The following KCNQ5 variants were observed in gnomAD, a reference collection of about 807,000 sequenced individuals.
KCNQ5 encodes the protein potassium voltage-gated channel subfamily KQT member 5.
Under a neutral mutation model 98.2 loss-of-function variants are expected in KCNQ5, and 30 were observed. The observed-to-expected ratio is 0.31, with a 90% CI of 0.23 to 0.41. The LOEUF (loss-of-function observed/expected upper bound fraction) is 0.41. Among genes scored for constraint, KCNQ5 ranks in the 10% least tolerant of loss-of-function variants. The pLI, the probability that KCNQ5 is intolerant of heterozygous loss-of-function variation, is 1.00. For missense variants in KCNQ5, 835 were observed against 1,182.5 expected (o/e 0.71, Z 4.31); for synonymous variants, 458 against 449.4 (o/e 1.02, Z -0.24).
At chr6:72,862,720 T>C (rs536196108) in intron 1 of KCNQ5, among the ~76,000 whole-genome samples, 1 of 152,136 alleles carries the variant, frequency 6.6e-6, no homozygotes, top group South Asian at 2.1e-4. Flanking sequence ...CTCAACCTCC[T>C]GAGCTCAAGC....
intron 2 of KCNQ5, among the ~76,000 whole-genome samples, chr6:73,020,810 G>A (rs1318118796): frequency 2.0e-5 from 3 of 151,986 alleles, no homozygotes; most frequent in Non-Finnish European, 4.4e-5. Context: ...CAAATATACT[G>A]TGTATTTCAC....
At chr6:73,056,380 T>C (rs1334401878) in intron 3 of KCNQ5, among the ~76,000 whole-genome samples, 2 of 147,912 alleles carry the variant, frequency 1.4e-5, no homozygotes, top group African/African-American at 5.2e-5. Context: ...ATTTAGTTTA[T>C]GTGTTACATT....
At chr6:73,086,712 A>G (rs990546072) in intron 5 of KCNQ5, among the ~76,000 whole-genome samples, 1 of 152,228 alleles carries the variant, frequency 6.6e-6, no homozygotes, top group African/African-American at 2.4e-5. Flanking sequence ...TAGTTAAGGA[A>G]ATAAGAATCC....
At chr6:72,803,037 G>T (rs1281299169) in intron 1 of KCNQ5, among the ~76,000 whole-genome samples, 1 of 152,086 alleles carries the variant, frequency 6.6e-6, no homozygotes, top group Non-Finnish European at 1.5e-5. Context: ...TTTTCTAAGA[G>T]ATTGCACCAG....
At chr6:72,752,803 G>C (rs1771753082) in intron 1 of KCNQ5, among the ~76,000 whole-genome samples, 1 of 152,180 alleles carries the variant, frequency 6.6e-6, no homozygotes, top group African/African-American at 2.4e-5. Context: ...TTTTCTACAA[G>C]TATTAATACT....
intron 1 of KCNQ5, among the ~76,000 whole-genome samples, chr6:72,702,063 A>G (rs896321049): frequency 6.6e-6 from 1 of 152,124 alleles, no homozygotes; most frequent in Non-Finnish European, 1.5e-5. Context: ...ATCTTCATAC[A>G]TCATTATTAG....
chr6:72,638,035 G>C (rs927873110), intron 1 of KCNQ5, among the ~76,000 whole-genome samples: 2 of 152,176 alleles, frequency 1.3e-5, no homozygotes, highest in African/African-American at 4.8e-5. Flanking sequence ...TAGTTATGTA[G>C]GTCCTACTTT....
chr6:72,705,902 C>T (rs1464273112), intron 1 of KCNQ5, among the ~76,000 whole-genome samples: 3 of 151,798 alleles, frequency 2.0e-5, no homozygotes, highest in Non-Finnish European at 4.4e-5. Flanking sequence ...TTGGGTATTG[C>T]TTCTTACCAA....
chr6:72,866,243 G>A (rs1031628307), intron 1 of KCNQ5, among the ~76,000 whole-genome samples: 81 of 142,726 alleles, frequency 5.7e-4, no homozygotes, highest in African/African-American at 2.0e-3. Flanking sequence ...AGTTTCCTCC[G>A]CCATCTCCCT....
intron 10 of KCNQ5, among the ~76,000 whole-genome samples, chr6:73,143,989 A>G (rs1325953607): frequency 6.6e-6 from 1 of 152,212 alleles, no homozygotes; most frequent in African/African-American, 2.4e-5. Context: ...CATATATCTC[A>G]AATTATTTCC....
At chr6:72,781,284 AAGAATTTGTCCCTAG>A (rs1773454196) in intron 1 of KCNQ5, among the ~76,000 whole-genome samples, 1 of 152,100 alleles carries the variant, frequency 6.6e-6, no homozygotes, top group East Asian at 1.9e-4. Context: ...AGGGGCTAGG[AAGAATTTGTCCCTAG>A]AGTCTTCATA....
At chr6:72,719,040 A>T (rs376050827) in intron 1 of KCNQ5, among the ~76,000 whole-genome samples, 2 of 152,318 alleles carry the variant, frequency 1.3e-5, no homozygotes, top group Non-Finnish European at 2.9e-5. Context: ...TCTTCATTCA[A>T]TAACTGTTTA....
At chr6:72,820,452 C>T (rs1333577460) in intron 1 of KCNQ5, among the ~76,000 whole-genome samples, 1 of 151,872 alleles carries the variant, frequency 6.6e-6, no homozygotes, top group Non-Finnish European at 1.5e-5. Flanking sequence ...CACCCTTTAC[C>T]TGGGTCCTTC....
intron 1 of KCNQ5, among the ~76,000 whole-genome samples, chr6:72,978,848 C>A (rs1211312214): frequency 1.8e-4 from 27 of 152,142 alleles, no homozygotes; most frequent in Admixed American, 1.8e-3. Flanking sequence ...CCACAACAGG[C>A]CCCAGTGTGT....
Position 73,196,842 on chromosome 6 carries a change from T to A in KCNQ5, c.*1428T>A, listed in dbSNP as rs1765804461. On this transcript the variant is annotated 3_prime_UTR_variant, in exon 14 of 14. Coordinates refer to ENST00000370398, the MANE Select transcript of KCNQ5 (RefSeq NM_019842.4). ...AAGGGAAACAAAATGACAAATGTAT[T>A]TATCAGAAAGCAAGCAATGCTGACT... The A allele has an allele frequency of 6.6e-6, 1 of 152,086 alleles. No individual in the cohort carries two copies. The highest frequency in any genetic ancestry group is 1.5e-5 in the Non-Finnish European group (1 of 68,022). 9.4% of individuals were successfully genotyped at this position (152,086 alleles called of 1,614,324 possible). A position where few individuals can be genotyped will look rare whatever the true frequency, so the allele number is the denominator to read the frequency against.
intron 1 of KCNQ5, among the ~76,000 whole-genome samples, chr6:72,941,550 T>TCTTCCCTCCCTTCCTTCCTTCCCC (rs1766286922): frequency 2.7e-5 from 1 of 37,332 alleles, no homozygotes; most frequent in East Asian, 1.8e-3. Context: ...TTCCTTTCCT[T>TCTTCCCTCCCTTCCTTCCTTCCCC]CTTCCCTCCC....
At chr6:72,962,036 G>A (rs1219300292) in intron 1 of KCNQ5, among the ~76,000 whole-genome samples, 1 of 151,406 alleles carries the variant, frequency 6.6e-6, no homozygotes, top group East Asian at 1.9e-4. Flanking sequence ...AAATTAACTG[G>A]GTATGGTGGT....
chr6:72,703,160 G>A (rs1768908955), intron 1 of KCNQ5, among the ~76,000 whole-genome samples: 1 of 152,288 alleles, frequency 6.6e-6, no homozygotes, highest in East Asian at 1.9e-4. Context: ...CAGAAGTGGT[G>A]GTTATTTGTC....
chr6:72,944,156 A>G (rs1197059804), intron 1 of KCNQ5, among the ~76,000 whole-genome samples: 1 of 152,230 alleles, frequency 6.6e-6, no homozygotes, highest in Non-Finnish European at 1.5e-5. Context: ...GCATGGTTCC[A>G]GTAAATATTC....
Sources: gnomAD v4.1 joint callset for allele counts (sites outside exome capture counted in the v4.1 genomes callset) on GRCh38, gnomAD v4.1.1 for gene constraint, MANE v1.5 for transcripts, NCBI Gene and HGNC (gene_info 2026-07-23, HGNC 2026-07-21) for gene names.